Variants in EPB41 observed in about 807,000 individuals in gnomAD.
EPB41 encodes the protein erythrocyte membrane protein band 4.1.
Under a neutral mutation model 108.0 loss-of-function variants are expected in EPB41, and 65 were observed. The ratio of observed to expected loss-of-function variants is 0.60; its 90% CI spans 0.49 to 0.74. The LOEUF is 0.74. EPB41 is among the 30% of genes least tolerant of loss of function. The pLI, the probability that EPB41 is intolerant of heterozygous loss-of-function variation, is 0.00. For synonymous variants in EPB41, 336 were observed against 358.9 expected (o/e 0.94, Z 0.72); for missense variants, 875 against 1,037.0 (o/e 0.84, Z 2.15).
At chr1:29,087,248 G>A (rs1475681870) in intron 16 of EPB41, among the ~76,000 whole-genome samples, 2 of 151,442 alleles carry the variant, frequency 1.3e-5, no homozygotes, top group African/African-American at 2.4e-5. Flanking sequence ...GCCAACTGTG[G>A]TTCTTTTGAT....
At chr1:29,090,438 C>T (rs998684556) in intron 16 of EPB41, among the ~76,000 whole-genome samples, 1 of 152,036 alleles carries the variant, frequency 6.6e-6, no homozygotes, top group African/African-American at 2.4e-5. Context: ...GATGGAGATG[C>T]CTTCTACTAA....
chr1:28,931,671 G>A (rs1012850178), intron 1 of EPB41, among the ~76,000 whole-genome samples: 1 of 151,426 alleles, frequency 6.6e-6, no homozygotes, highest in Non-Finnish European at 1.5e-5. Flanking sequence ...TGGGATTACA[G>A]GCGCCCGCCA....
intron 8 of EPB41, chr1:29,031,976 G>A (rs995368372): frequency 6.6e-6 from 1 of 151,928 alleles, no homozygotes; most frequent in Non-Finnish European, 1.5e-5. Context: ...CGTGCCTTTG[G>A]TGGTCCCAGC....
At chr1:29,022,383 A>AG (rs1212023192) in intron 7 of EPB41, among the ~76,000 whole-genome samples, 2 of 151,144 alleles carry the variant, frequency 1.3e-5, no homozygotes, top group Non-Finnish European at 1.5e-5. Context: ...AAAAAAAAAA[A>AG]AAAAAAAAGA....
intron 1 of EPB41, among the ~76,000 whole-genome samples, chr1:28,892,180 T>C (rs981762820): frequency 6.6e-6 from 1 of 151,616 alleles, no homozygotes; most frequent in African/African-American, 2.4e-5. Flanking sequence ...TCACCTCTCA[T>C]TGTATCATTA....
chr1:29,050,822 C>A (rs910324772), intron 11 of EPB41, among the ~76,000 whole-genome samples: 1 of 151,970 alleles, frequency 6.6e-6, no homozygotes, highest in Non-Finnish European at 1.5e-5. Flanking sequence ...ACTACAGACG[C>A]CCGCCACCAC....
rs181358360 is a variant in EPB41, at chr1:29,033,105, G to A, written c.1225G>A (p.Val409Ile). The change falls in exon 9 of 21, where the codon GTA (valine) becomes ATA (isoleucine). Residue 409 changes from valine to isoleucine, a missense_variant. Around this residue, in one of 3 missense-constraint regions of EPB41, gnomAD observed 519 missense variants for 627.3 expected, o/e 0.83. Transcript: ENST00000343067. ...DLHKAKDLEG[V>I]DIILGVCSSG... Reference sequence around the variant, plus strand: ...TTTTCTTTTTCAGGACTTGGAAGGAGTAGATATCATCCTAGGTGTCTGCTC... The same window carrying A: ...TTTTCTTTTTCAGGACTTGGAAGGAATAGATATCATCCTAGGTGTCTGCTC... The A allele has an allele frequency of 1.5e-5, 24 of 1,613,918 alleles. No individual in the cohort carries two copies. In the East Asian group the frequency reaches 2.5e-4, roughly 16 times the overall value.
chr1:29,057,740 T>A (rs186482232), intron 12 of EPB41, among the ~76,000 whole-genome samples: 14 of 152,314 alleles, frequency 9.2e-5, no homozygotes, highest in Middle Eastern at 3.4e-3. Flanking sequence ...CTGTTTTTTT[T>A]AAATAATTGC....
intron 4 of EPB41, among the ~76,000 whole-genome samples, chr1:29,004,450 A>G (rs2096362947): frequency 6.6e-6 from 1 of 152,234 alleles, no homozygotes; most frequent in African/African-American, 2.4e-5. Flanking sequence ...GCAAACACCA[A>G]TGGAGTGACT....
Position 28,997,246 on chromosome 1 carries a change from G to A in EPB41, c.713G>A (p.Arg238Gln), listed in dbSNP as rs1024379477. 4.3e-6 allele frequency: 7 copies of A among 1,614,110 alleles called. No individual in the cohort carries two copies. The highest frequency in any genetic ancestry group is 1.6e-4 in the Middle Eastern group (1 of 6,062). The change falls in exon 4 of 21, where the codon CGA (arginine) becomes CAA (glutamine). Residue 238 changes from arginine (R) to glutamine (Q), a missense_variant. Transcript: ENST00000343067. ...KHAKGQDLLK[R>Q]VCEHLNLLEE... ...GCTAAGGGACAAGATTTGCTTAAAC[G>A]AGTATGTGAGCATCTCAATCTTTTG...
In EPB41 at chr1:28,941,156, TC is replaced by T. The variant is rs1184692552; in HGVS notation, c.-8+26389del. 2.6e-5 allele frequency among the ~76,000 whole-genome samples: 4 copies of T among 151,354 alleles called. No individual in the cohort carries two copies. The South Asian group carries it at 8.3e-4, about 32-fold the overall frequency. ...ACTTTGGGAGGCTGAAGTGGGTAGA[TC>T]ACTTGAGCTCAGGAGTTCGAGATTA... is the stretch of plus-strand genomic sequence containing the variant. On this transcript the variant is annotated intron_variant, in intron 1 of 20. Coordinates refer to ENST00000343067, the MANE Select transcript of EPB41 (RefSeq NM_001376013.1).
At position 29,013,173 on chromosome 1, in the gene EPB41, A is replaced by G. The variant is rs560075335; in HGVS notation, c.829+1266A>G. 2.6e-5 allele frequency among the ~76,000 whole-genome samples: 4 copies of G among 152,236 alleles called. No individual in the cohort carries two copies. The East Asian group carries it at 7.7e-4, about 29-fold the overall frequency. ...AACCCCGTCTCTACTAAAAATACAAAAATTAGCTGGGTGTGGTGGCGCATG... is the reference window on the plus strand; with the variant it reads ...AACCCCGTCTCTACTAAAAATACAAGAATTAGCTGGGTGTGGTGGCGCATG... On this transcript the variant is annotated intron_variant, in intron 5 of 20. Coordinates refer to ENST00000343067, the MANE Select transcript of EPB41 (RefSeq NM_001376013.1).
chr1:28,908,068 T>C (rs1351218286), intron 1 of EPB41, among the ~76,000 whole-genome samples: 1 of 152,032 alleles, frequency 6.6e-6, no homozygotes, highest in Non-Finnish European at 1.5e-5. Context: ...GATTAAAAAG[T>C]ACTTACTGTG....
chr1:29,065,312 A>AT (rs1166341741), intron 16 of EPB41, 154 bp downstream of exon 16: 13 of 1,348,604 alleles, frequency 9.6e-6, no homozygotes, highest in African/African-American at 8.8e-5. Flanking sequence ...GTAATCAAAT[A>AT]TTTATTTTTT....
At chr1:29,049,219 C>T (rs1370010137) in intron 11 of EPB41, among the ~76,000 whole-genome samples, 1 of 152,200 alleles carries the variant, frequency 6.6e-6, no homozygotes, top group Non-Finnish European at 1.5e-5. Context: ...ATAATGATGA[C>T]AAAGATTATA....
At chr1:28,963,154 GT>G (rs1174229864) in intron 1 of EPB41, among the ~76,000 whole-genome samples, 2 of 151,880 alleles carry the variant, frequency 1.3e-5, no homozygotes, top group Non-Finnish European at 2.9e-5. Context: ...AAACAAGTTT[GT>G]TTTTTTATAT....
chr1:28,935,618 C>T (rs1557726786), intron 1 of EPB41, among the ~76,000 whole-genome samples: 1 of 151,858 alleles, frequency 6.6e-6, no homozygotes, highest in South Asian at 2.1e-4. Flanking sequence ...TAGGTAATCT[C>T]TCTCCTTAAG....
chr1:29,091,760 T>C (rs1661266843), intron 16 of EPB41, among the ~76,000 whole-genome samples: 1 of 152,202 alleles, frequency 6.6e-6, no homozygotes, highest in South Asian at 2.1e-4. Flanking sequence ...TGTCAGTCTT[T>C]CAGTTCCATC....
chr1:28,948,309 C>T (rs1022555063), intron 1 of EPB41, among the ~76,000 whole-genome samples: 7 of 151,242 alleles, frequency 4.6e-5, no homozygotes, highest in South Asian at 2.1e-4. Context: ...GTAAGGAGAT[C>T]GAGACCACGG....
Sources: gnomAD v4.1 joint callset for allele counts (sites outside exome capture counted in the v4.1 genomes callset) on GRCh38, gnomAD v4.1.1 for gene constraint, gnomAD v4.1.1 regional missense constraint, MANE v1.5 for transcripts, NCBI Gene and HGNC (gene_info 2026-07-23, HGNC 2026-07-21) for gene names.